RORA: variants seen among roughly 807,000 people sequenced by gnomAD.
RORA encodes the protein nuclear receptor ROR-alpha.
A neutral mutation model predicts 69.5 loss-of-function variants in RORA; 7 were observed. The observed-to-expected ratio is 0.10, with a 90% CI of 0.06 to 0.19. RORA has a LOEUF of 0.19. Among genes scored for constraint, RORA ranks in the 10% least tolerant of loss-of-function variants. The pLI, the probability that RORA is intolerant of heterozygous loss-of-function variation, is 1.00. For missense variants in RORA, 457 were observed against 663.0 expected (o/e 0.69, Z 3.41); for synonymous variants, 261 against 240.8 (o/e 1.08, Z -0.78).
At position 61,002,466 on chromosome 15, in the gene RORA, A is replaced by T. The variant is rs565811490; in HGVS notation, c.166+226587T>A. ...ATTAACTCGATTCAATAGAAGCAGC[A>T]GGGGGATTTCTCCTAATTTAATCGT... On this transcript the variant is annotated intron_variant, in intron 1 of 10. Coordinates refer to ENST00000335670, the MANE Select transcript of RORA (RefSeq NM_134261.3). Among the ~76,000 whole-genome samples the T allele has an allele frequency of 1.9e-4, 29 of 152,322 alleles. 2 individuals are homozygous for T. Among genetic ancestry groups the T allele is most frequent in the African/African-American group, 7.0e-4 (29 of 41,570 alleles).
At chr15:60,897,488 C>T (rs1891261403) in intron 1 of RORA, among the ~76,000 whole-genome samples, 1 of 152,162 alleles carries the variant, frequency 6.6e-6, no homozygotes, top group South Asian at 2.1e-4. Flanking sequence ...AACCAATGAC[C>T]TCAGTAATGG....
intron 1 of RORA, among the ~76,000 whole-genome samples, chr15:60,711,513 A>G (rs1400393305): frequency 6.6e-6 from 1 of 152,140 alleles, no homozygotes; most frequent in African/African-American, 2.4e-5. Flanking sequence ...CTTCTTCCCC[A>G]TTTTTGCATC....
At chr15:60,842,381 C>A (rs371796976) in intron 1 of RORA, among the ~76,000 whole-genome samples, 1 of 152,194 alleles carries the variant, frequency 6.6e-6, no homozygotes, top group East Asian at 1.9e-4. Flanking sequence ...CCCTAACTTA[C>A]TGTTCAAAGC....
At chr15:60,611,673 TC>T (rs2069095780) in intron 2 of RORA, among the ~76,000 whole-genome samples, 1 of 143,082 alleles carries the variant, frequency 7.0e-6, no homozygotes, top group African/African-American at 2.6e-5. Flanking sequence ...TAGGCAGGGC[TC>T]CTTTCCTCTG....
intron 1 of RORA, among the ~76,000 whole-genome samples, chr15:61,076,441 G>A (rs569884896): frequency 4.6e-4 from 70 of 151,332 alleles, no homozygotes; most frequent in Admixed American, 9.8e-4. Context: ...TCTATCATCA[G>A]CTCTGTTTTG....
intron 1 of RORA, among the ~76,000 whole-genome samples, chr15:60,735,907 T>C (rs537985353): frequency 1.2e-4 from 19 of 152,324 alleles, no homozygotes; most frequent in African/African-American, 4.6e-4. Context: ...CTTATTGACT[T>C]GACTGGCCAA....
rs2080150542 is a variant in RORA at position 61,226,948 on chromosome 15, G to A, written c.166+2105C>T. 6.6e-6 allele frequency among the ~76,000 whole-genome samples: 1 copy of A among 152,074 alleles called. No individual in the cohort carries two copies. Among genetic ancestry groups the A allele is most frequent in the South Asian group, 2.1e-4 (1 of 4,832 alleles). ...GCAAGATGTATCCCACTCCTACTATGCCCCTCTCCCCTTTTTGCTGAGCCT... is the reference window on the plus strand; with the variant it reads ...GCAAGATGTATCCCACTCCTACTATACCCCTCTCCCCTTTTTGCTGAGCCT... On this transcript the variant is annotated intron_variant, in intron 1 of 10. Transcript: ENST00000335670. The surrounding 1 kb of genome is among the most constrained non-coding windows in gnomAD (Gnocchi z 4.2).
At chr15:61,224,411 T>C (rs1291910625) in intron 1 of RORA, among the ~76,000 whole-genome samples, 2 of 152,224 alleles carry the variant, frequency 1.3e-5, no homozygotes, top group African/African-American at 2.4e-5. Flanking sequence ...GGTTATGCAT[T>C]TGGCTTCCAC....
chr15:60,648,159 G>C (rs926348675), intron 2 of RORA, among the ~76,000 whole-genome samples: 1 of 152,226 alleles, frequency 6.6e-6, no homozygotes, highest in Non-Finnish European at 1.5e-5. Flanking sequence ...GAGCACGTAG[G>C]TGCCTTCCAA....
chr15:60,580,586 C>CT (rs1424321497), intron 2 of RORA, among the ~76,000 whole-genome samples: 1 of 152,208 alleles, frequency 6.6e-6, no homozygotes, highest in Non-Finnish European at 1.5e-5. Context: ...CCGAACCAAA[C>CT]TTAAAGTGAT....
intron 1 of RORA, among the ~76,000 whole-genome samples, chr15:60,775,459 T>A (rs1178032135): frequency 6.6e-6 from 1 of 152,228 alleles, no homozygotes; most frequent in African/African-American, 2.4e-5. Context: ...AACACGTTCC[T>A]TTTTCTCTTT....
chr15:60,790,504 G>C (rs1356014800), intron 1 of RORA, among the ~76,000 whole-genome samples: 1 of 152,154 alleles, frequency 6.6e-6, no homozygotes, highest in African/African-American at 2.4e-5. Context: ...AGGAAGACTG[G>C]GGACTGACAG....
At chr15:60,840,230 T>C (rs1232618618) in intron 1 of RORA, among the ~76,000 whole-genome samples, 1 of 152,202 alleles carries the variant, frequency 6.6e-6, no homozygotes, top group African/African-American at 2.4e-5. Flanking sequence ...GTGGTCCACT[T>C]TTGACTCGGA....
intron 1 of RORA, among the ~76,000 whole-genome samples, chr15:60,919,089 C>T (rs1891963489): frequency 6.6e-6 from 1 of 152,144 alleles, no homozygotes; most frequent in African/African-American, 2.4e-5. Flanking sequence ...AACCACCCTG[C>T]CCCCAAATAC....
At chr15:61,142,771 C>T (rs1233246077) in intron 1 of RORA, among the ~76,000 whole-genome samples, 2 of 152,108 alleles carry the variant, frequency 1.3e-5, no homozygotes, top group South Asian at 2.1e-4. Context: ...TAATCATCTT[C>T]ACGGGTGCTA....
At chr15:60,795,873 T>A (rs1055665134) in intron 1 of RORA, among the ~76,000 whole-genome samples, 1 of 152,294 alleles carries the variant, frequency 6.6e-6, no homozygotes, top group African/African-American at 2.4e-5. Context: ...GGAGATAACT[T>A]TGGGAAATTA....
rs1180619958 is a variant in RORA, at chr15:60,492,833, A to G, written c.*4622T>C. On this transcript the variant is annotated 3_prime_UTR_variant, in exon 11 of 11. Transcript: ENST00000335670. ...GAGCACATCAAGTTCTAAACTCAACAAAATGAGACGAGAGTAAAGAGTTTA... is the reference window on the plus strand; with the variant it reads ...GAGCACATCAAGTTCTAAACTCAACGAAATGAGACGAGAGTAAAGAGTTTA... 1 of 152,196 alleles carries G rather than the reference A, an allele frequency of 6.6e-6. No homozygotes were observed. The highest frequency in any genetic ancestry group is 2.1e-4 in the South Asian group (1 of 4,828). The allele number at this position is 152,196 out of a possible 1,614,324, so 9.4% of individuals were successfully genotyped here.
At chr15:61,038,307 T>G (rs1896566027) in intron 1 of RORA, among the ~76,000 whole-genome samples, 2 of 152,088 alleles carry the variant, frequency 1.3e-5, no homozygotes, top group African/African-American at 4.8e-5. Flanking sequence ...GGTTGCCTCT[T>G]TCTACTTGAC....
At chr15:60,955,030 G>A (rs1440576076) in intron 1 of RORA, among the ~76,000 whole-genome samples, 2 of 152,214 alleles carry the variant, frequency 1.3e-5, no homozygotes, top group African/African-American at 2.4e-5. Flanking sequence ...AAGGCTGGGC[G>A]TGGTGACTCA....
Sources: gnomAD v4.1 joint callset for allele counts (sites outside exome capture counted in the v4.1 genomes callset) on GRCh38, gnomAD v4.1.1 for gene constraint, Gnocchi (gnomAD v3.1) non-coding constraint, MANE v1.5 for transcripts, NCBI Gene and HGNC (gene_info 2026-07-23, HGNC 2026-07-21) for gene names.